Variants in STAG1 observed in about 807,000 individuals in gnomAD.
The protein encoded by STAG1 is cohesin subunit SA-1.
STAG1 carries 26 observed loss-of-function variants against 170.9 expected under a neutral mutation model. That is an observed-to-expected ratio of 0.15 (90% CI 0.11 to 0.21). The LOEUF (loss-of-function observed/expected upper bound fraction) is 0.21. Ranked by LOEUF, STAG1 falls within the 10% of genes least tolerant of loss-of-function variation. STAG1 has a pLI of 1.00. For missense variants in STAG1, 964 were observed against 1,509.5 expected (o/e 0.64, Z 5.99); for synonymous variants, 514 against 497.7 (o/e 1.03, Z -0.44).
At chr3:136,357,952 G>A (rs899894672) in intron 27 of STAG1, 104 bp from the exon 28 acceptor site, 3 of 946,716 alleles carry the variant, frequency 3.2e-6, no homozygotes, top group African/African-American at 3.4e-5. Context: ...TATCACAAAA[G>A]GTAGTAAAAT....
chr3:136,440,620 C>T (rs1205656639), intron 15 of STAG1, among the ~76,000 whole-genome samples: 1 of 152,000 alleles, frequency 6.6e-6, no homozygotes, highest in Admixed American at 6.6e-5. Flanking sequence ...AGGCCCTTTA[C>T]TCAAGTGTTG....
chr3:136,549,161 AT>A (rs1273552729), intron 5 of STAG1, among the ~76,000 whole-genome samples: 1 of 152,204 alleles, frequency 6.6e-6, no homozygotes, highest in Non-Finnish European at 1.5e-5. Context: ...TTCTTATGCT[AT>A]TGCAAATTGG....
intron 31 of STAG1, among the ~76,000 whole-genome samples, chr3:136,340,833 G>C (rs1452172689): frequency 1.3e-5 from 2 of 152,124 alleles, no homozygotes; most frequent in Non-Finnish European, 2.9e-5. Context: ...AATAACGGTT[G>C]TTAACATTTA....
intron 1 of STAG1, among the ~76,000 whole-genome samples, chr3:136,661,773 G>T (rs1022910061): frequency 6.6e-6 from 1 of 152,210 alleles, no homozygotes; most frequent in Non-Finnish European, 1.5e-5. Flanking sequence ...ACTAATAGCT[G>T]TTGTCTCTTA....
chr3:136,560,221 T>C (rs1356427329), intron 5 of STAG1, among the ~76,000 whole-genome samples: 1 of 152,208 alleles, frequency 6.6e-6, no homozygotes, highest in African/African-American at 2.4e-5. Context: ...CCTTGTTATA[T>C]TCAACTAAGA....
At chr3:136,435,986 C>G (rs66691851) in intron 15 of STAG1, among the ~76,000 whole-genome samples, 1 of 151,752 alleles carries the variant, frequency 6.6e-6, no homozygotes, top group Non-Finnish European at 1.5e-5. Flanking sequence ...TTGAGACAGT[C>G]TTGCTCCATC....
chr3:136,407,879 G>GA (rs1175344516), intron 21 of STAG1, among the ~76,000 whole-genome samples: 1 of 149,030 alleles, frequency 6.7e-6, no homozygotes, highest in African/African-American at 2.5e-5. Context: ...CTGGGCGACA[G>GA]AGCAAGACTC....
In STAG1 at chr3:136,479,219, C is replaced by T. The variant is rs1373019304; in HGVS notation, c.903-1807G>A. On this transcript the variant is annotated intron_variant, in intron 9 of 33. Coordinates refer to ENST00000383202, the MANE Select transcript of STAG1 (RefSeq NM_005862.3). The stretch of plus-strand genomic sequence containing the variant: ...ATTAGGTATATCTCCCAATGCTATC[C>T]CTCCCCCCTCCCCTGACCCCACCAC... 4.2e-5 allele frequency among the ~76,000 whole-genome samples: 5 copies of T among 117,766 alleles called. No individual in the cohort carries two copies. The East Asian group carries it at 1.3e-3, about 31-fold the overall frequency. 77.3% of individuals were successfully genotyped at this position (117,766 alleles called of 152,430 possible).
chr3:136,725,747 C>CAGCATGAGGTTATAT (rs1559975039), intron 1 of STAG1, among the ~76,000 whole-genome samples: 1 of 152,014 alleles, frequency 6.6e-6, no homozygotes, highest in East Asian at 1.9e-4. Flanking sequence ...TGACCAAGTA[C>CAGCATGAGGTTATAT]AGACAGCATG....
At position 136,676,802 on chromosome 3, in the gene STAG1, A is replaced by C. The variant is rs940858925; in HGVS notation, c.-83-45821T>G. 2.6e-5 allele frequency among the ~76,000 whole-genome samples: 4 copies of C among 151,770 alleles called. No individual in the cohort carries two copies. The East Asian group carries it at 7.7e-4, about 29-fold the overall frequency. On this transcript the variant is annotated intron_variant, in intron 1 of 33. Transcript: ENST00000383202. ...TATTACTAAGCTTTTTTGTGATTTT[A>C]TTTCTTAGACTTTTTTTATTTTTTA...
At position 136,478,065 on chromosome 3, in the gene STAG1, C is replaced by A. The variant is rs900128740; in HGVS notation, c.903-653G>T. 2.0e-5 allele frequency among the ~76,000 whole-genome samples: 3 copies of A among 152,172 alleles called. No homozygotes were observed. In the South Asian group the frequency reaches 6.2e-4, roughly 32 times the overall value. ...TCGGCCTCCCAAAGTGCTGGGATTACACGCGTGAGCCACTGTGACCGGCCA... is the reference window on the plus strand; with the variant it reads ...TCGGCCTCCCAAAGTGCTGGGATTAAACGCGTGAGCCACTGTGACCGGCCA... On this transcript the variant is annotated intron_variant, in intron 9 of 33. Coordinates refer to ENST00000383202, the MANE Select transcript of STAG1 (RefSeq NM_005862.3).
Position 136,369,108 on chromosome 3 carries a change from C to A in STAG1, c.2545G>T (p.Glu849Ter). Residue 849 changes from glutamate (E) to a stop codon, truncating the protein, a stop_gained and splice_region_variant, in exon 24 of 34, where the codon GAG (glutamate) becomes TAG (stop). Coordinates refer to ENST00000383202, the MANE Select transcript of STAG1 (RefSeq NM_005862.3). LOFTEE classifies it high-confidence loss of function. ...IDQDEENQSM[E>*]GDEEDEANKI... ...TTGACAAGATGATAGCTACAAGTAC[C>A]CATGCTCTGGTTCTCCTCGTCTTGG... The A allele has an allele frequency of 6.6e-7, 1 of 1,518,926 alleles. No homozygotes were observed. Among genetic ancestry groups the A allele is most frequent in the Non-Finnish European group, 8.8e-7 (1 of 1,137,968 alleles). The allele number at this position is 1,518,926 out of a possible 1,614,324, so 94.1% of individuals were successfully genotyped here.
intron 1 of STAG1, among the ~76,000 whole-genome samples, chr3:136,642,316 G>C (rs545685719): frequency 8.3e-6 from 1 of 120,000 alleles, no homozygotes; most frequent in African/African-American, 3.2e-5. Context: ...CTGTCACCCA[G>C]ACTGGAGTAC....
chr3:136,442,976 T>A (rs1358382054), intron 15 of STAG1, among the ~76,000 whole-genome samples: 1 of 152,174 alleles, frequency 6.6e-6, no homozygotes, highest in East Asian at 1.9e-4. Context: ...GCCGCTGCAC[T>A]CCAGCCTGGG....
At chr3:136,647,479 G>C (rs1941072872) in intron 1 of STAG1, among the ~76,000 whole-genome samples, 1 of 152,086 alleles carries the variant, frequency 6.6e-6, no homozygotes, top group African/African-American at 2.4e-5. Context: ...TGAGGCAGGA[G>C]ACTCGCTTGA....
chr3:136,449,763 T>C (rs543338601), intron 14 of STAG1, among the ~76,000 whole-genome samples: 12 of 152,158 alleles, frequency 7.9e-5, no homozygotes, highest in East Asian at 5.8e-4. Context: ...TTTTAATAAA[T>C]TGAAAAGCCC....
At chr3:136,552,986 TGCAAAAAACAA>T (rs1209547815) in intron 5 of STAG1, among the ~76,000 whole-genome samples, 2 of 151,474 alleles carry the variant, frequency 1.3e-5, no homozygotes, top group Non-Finnish European at 2.9e-5. Flanking sequence ...AAAGACAACA[TGCAAAAAACAA>T]GCAAAAACAA....
At chr3:136,599,544 A>G (rs1938577966) in intron 4 of STAG1, among the ~76,000 whole-genome samples, 1 of 152,070 alleles carries the variant, frequency 6.6e-6, no homozygotes, top group Non-Finnish European at 1.5e-5. Context: ...AATAAATAAA[A>G]TAAAATAAAA....
intron 10 of STAG1, among the ~76,000 whole-genome samples, chr3:136,474,993 G>C (rs139515380): frequency 3.9e-5 from 6 of 152,134 alleles, no homozygotes; most frequent in South Asian, 2.1e-4. Context: ...CAGCCTCCTT[G>C]CTTCTGTACA....
Sources: allele counts gnomAD v4.1 joint callset (sites outside exome capture counted in the v4.1 genomes callset), GRCh38; gene constraint gnomAD v4.1.1; transcripts MANE v1.5; gene names NCBI Gene and HGNC (gene_info 2026-07-23, HGNC 2026-07-21).